ADAM11: variants seen among roughly 807,000 people sequenced by gnomAD.
ADAM11 encodes disintegrin and metalloproteinase domain-containing protein 11.
Under a neutral mutation model 119.1 loss-of-function variants are expected in ADAM11, and 49 were observed. The observed-to-expected ratio is 0.41, with a 90% confidence interval of 0.33 to 0.52. ADAM11 has a LOEUF of 0.52. Among genes scored for constraint, ADAM11 ranks in the 20% least tolerant of loss-of-function variants. ADAM11 has a pLI of 0.20. For missense variants in ADAM11, 777 were observed against 1,047.5 expected, an observed-to-expected ratio of 0.74 and a Z score of 3.56; for synonymous variants, 364 against 408.0, an observed-to-expected ratio of 0.89 and a Z score of 1.30.
chr17:44,778,558 GGT>G (rs1211309584), intron 25 of ADAM11, among the ~76,000 whole-genome samples: 1 of 151,890 alleles, frequency 6.6e-6, no homozygotes, highest in East Asian at 1.9e-4. Context: ...CAGCCATGGT[GGT>G]GCGCACCTGT....
At position 44,772,981 on chromosome 17, in the gene ADAM11, G is replaced by A. The variant is rs751032823; in HGVS notation, c.754-33G>A. 5.6e-6 allele frequency: 9 copies of A among 1,613,922 alleles called. No homozygotes were observed. The highest frequency in any genetic ancestry group is 1.6e-4 in the Middle Eastern group (1 of 6,084). ...CGTGACACTGGGAGGCCCCTGAGGA[G>A]CCTGGCCCTCCTCCCATTCTTCTCT... On this transcript the variant is annotated intron_variant, in intron 9 of 26. Coordinates refer to ENST00000200557, the MANE Select transcript of ADAM11 (RefSeq NM_002390.6). The surrounding 1 kb of genome is among the most constrained non-coding windows in gnomAD (Gnocchi z 4.5).
chr17:44,764,131 G>A (rs2049420638), intron 2 of ADAM11, among the ~76,000 whole-genome samples: 1 of 152,182 alleles, frequency 6.6e-6, no homozygotes, highest in Non-Finnish European at 1.5e-5. Context: ...GGTGACTAGG[G>A]TCAGGGGTGA....
At chr17:44,769,664 T>C in intron 2 of ADAM11, 54 bp from the exon 3 acceptor site, 1 of 1,269,230 alleles carries the variant, frequency 7.9e-7, no homozygotes. Context: ...TCCCCCCGAC[T>C]CCCACCTTCA....
intron 1 of ADAM11, 67 bp from the exon 2 acceptor site, chr17:44,759,655 C>A: frequency 7.6e-7 from 1 of 1,309,304 alleles, no homozygotes; most frequent in South Asian, 3.2e-5. Flanking sequence ...GAGGCATGCC[C>A]ACCCCATTCC....
intron 2 of ADAM11, 121 bp from the exon 3 acceptor site, chr17:44,769,597 T>C: frequency 1.4e-6 from 1 of 692,322 alleles, no homozygotes. Context: ...AAATCAATGG[T>C]CCCCTCAGCT....
chr17:44,778,102 C>T (rs764963921), intron 24 of ADAM11, 36 bp downstream of exon 24: 3 of 1,611,314 alleles, frequency 1.9e-6, no homozygotes, highest in South Asian at 2.2e-5. Flanking sequence ...GTCTGTCTGT[C>T]CTGCTCTCTA....
chr17:44,770,166 C>T (rs896389870), intron 4 of ADAM11, 118 bp downstream of exon 4: 2 of 1,223,120 alleles, frequency 1.6e-6, no homozygotes, highest in South Asian at 1.4e-5. Context: ...GGGCCTGGCC[C>T]CTCAGCACCT....
chr17:44,780,476 C>T lies in ADAM11; in HGVS notation c.*722C>T, dbSNP rs1365520893. On this transcript the variant is annotated 3_prime_UTR_variant, in exon 27 of 27. Coordinates refer to ENST00000200557, the MANE Select transcript of ADAM11 (RefSeq NM_002390.6). ...CCCAAGGCCTAGGTTATGGGTACGG[C>T]AACCACATGTCCCAGATCGTCTCCA... 3 of 279,972 alleles carry T rather than the reference C, an allele frequency of 1.1e-5. No homozygotes were observed. Among genetic ancestry groups the T allele is most frequent in the Middle Eastern group, 1.3e-3 (1 of 796 alleles). 17.3% of individuals were successfully genotyped at this position (279,972 alleles called of 1,614,324 possible).
At position 44,776,104 on chromosome 17, in the gene ADAM11, C is replaced by G. The variant is rs1367083104; in HGVS notation, c.1486-23C>G. ...GCCGAGGCATCCATCCTGCCTGACT[C>G]GAGGAGCGCGTCTCTTCCCTAGTAC... On this transcript the variant is annotated intron_variant, in intron 17 of 26. Transcript: ENST00000200557. The surrounding 1 kb of genome is among the most constrained non-coding windows in gnomAD (Gnocchi z 5.2). 6.2e-6 allele frequency: 10 copies of G among 1,612,746 alleles called. No individual in the cohort carries two copies. The highest frequency in any genetic ancestry group is 2.2e-5 in the East Asian group (1 of 44,874).
chr17:44,777,634 G>A lies in ADAM11; in HGVS notation c.1901+33G>A, dbSNP rs761174346. On this transcript the variant is annotated intron_variant, in intron 22 of 26. Transcript: ENST00000200557. The surrounding 1 kb of genome is among the most constrained non-coding windows in gnomAD (Gnocchi z 5.1). The stretch of plus-strand genomic sequence containing the variant: ...CCAGGACCAAGACTAGGGAGGGGAG[G>A]TTGCAGCTGTGCTGGGGGTTAGGAG... The A allele has an allele frequency of 1.9e-6, 3 of 1,613,932 alleles. No individual in the cohort carries two copies. In the South Asian group the frequency reaches 3.3e-5, roughly 18 times the overall value.
chr17:44,770,094 G>A (rs1212949191), intron 4 of ADAM11, 46 bp downstream of exon 4: 1 of 1,603,556 alleles, frequency 6.2e-7, no homozygotes, highest in Admixed American at 1.7e-5. Flanking sequence ...GAAGGGAGGT[G>A]CTGTTTCTGT....
Position 44,780,570 on chromosome 17 carries a change from G to C in ADAM11, c.*816G>C, listed in dbSNP as rs1367060144. On this transcript the variant is annotated 3_prime_UTR_variant, in exon 27 of 27. Transcript: ENST00000200557. The stretch of plus-strand genomic sequence containing the variant: ...TTTTGGCAGGGCGGGGGGGGTTCTA[G>C]AAAATATAGTTCCTATAATAAAATG... 1.0e-5 allele frequency: 2 copies of C among 191,444 alleles called. No homozygotes were observed. The highest frequency in any genetic ancestry group is 2.1e-5 in the Non-Finnish European group (2 of 94,438). The allele number at this position is 191,444 out of a possible 1,614,324, so 11.9% of individuals were successfully genotyped here.
rs2049550360 is a variant in ADAM11 at position 44,773,150 on chromosome 17, G to C, written c.825+65G>C. On this transcript the variant is annotated intron_variant, in intron 10 of 26. Coordinates refer to ENST00000200557, the MANE Select transcript of ADAM11 (RefSeq NM_002390.6). The surrounding 1 kb of genome is among the most constrained non-coding windows in gnomAD (Gnocchi z 4.6). ...CCCCCCACCCCACCACACACATTAG[G>C]GGGCACTGTCAGCCCCTGGCTCCCA... The C allele has an allele frequency of 1.9e-6, 3 of 1,595,246 alleles. No homozygotes were observed. Among genetic ancestry groups the C allele is most frequent in the South Asian group, 1.1e-5 (1 of 90,544 alleles).
At position 44,776,221 on chromosome 17, in the gene ADAM11, C is replaced by A. The variant is rs779030108; in HGVS notation, c.1566+14C>A. ...GACTCTAGCCAGGTCCGCCCGGCCC[C>A]GCCGTCTTGTGGAGCCCTGGGCGAG... is the stretch of plus-strand genomic sequence containing the variant. On this transcript the variant is annotated intron_variant, in intron 18 of 26. Transcript: ENST00000200557. The surrounding 1 kb of genome is among the most constrained non-coding windows in gnomAD (Gnocchi z 5.2). The A allele has an allele frequency of 5.0e-6, 8 of 1,612,770 alleles. No individual in the cohort carries two copies. Among genetic ancestry groups the A allele is most frequent in the Non-Finnish European group, 8.5e-7 (1 of 1,179,684 alleles).
chr17:44,773,367 G>A lies in ADAM11; in HGVS notation c.932G>A (p.Arg311Gln), dbSNP rs763270799. The A allele has an allele frequency of 4.3e-5, 70 of 1,613,868 alleles. No homozygotes were observed. Among genetic ancestry groups the A allele is most frequent in the East Asian group, 1.8e-4 (8 of 44,892 alleles). The change falls in exon 11 of 27, where the codon CGG becomes CAG. Residue 311 changes from arginine to glutamine, a missense_variant. This residue lies in a region of ADAM11 where 147 missense variants were observed against 223.3 expected (regional missense o/e 0.66). Transcript: ENST00000200557. The surrounding 1 kb of genome is among the most constrained non-coding windows in gnomAD (Gnocchi z 4.6). The stretch of plus-strand genomic sequence containing the variant: ...GATGACCTCCTGGAGACCCTGGCCC[G>A]GCTCATGGTCTACCGACGGGAGGGT... ...VQDDLLETLA[R>Q]LMVYRREGLP...
chr17:44,776,876 C>G lies in ADAM11; in HGVS notation c.1618-23C>G. 6.2e-7 allele frequency: 1 copy of G among 1,613,508 alleles called. No homozygotes were observed. Among genetic ancestry groups the G allele is most frequent in the Non-Finnish European group, 8.5e-7 (1 of 1,179,504 alleles). Reference sequence around the variant, plus strand: ...GACCACTCAGCATCTCCATCCCTTGCCTCTTAATTCTTGGACTCTCAGGGC... The same window carrying G: ...GACCACTCAGCATCTCCATCCCTTGGCTCTTAATTCTTGGACTCTCAGGGC... On this transcript the variant is annotated intron_variant, in intron 19 of 26. Coordinates refer to ENST00000200557, the MANE Select transcript of ADAM11 (RefSeq NM_002390.6). This position sits in a 1 kb window ranked among gnomAD's most constrained non-coding sequence, Gnocchi z 5.2.
intron 25 of ADAM11, among the ~76,000 whole-genome samples, chr17:44,778,947 T>C (rs1310771146): frequency 6.6e-6 from 1 of 152,114 alleles, no homozygotes. Flanking sequence ...TTTGGGGTCC[T>C]TGTGCTGGTC....
At position 44,759,836 on chromosome 17, in the gene ADAM11, G is replaced by A. The variant is rs1341173829; in HGVS notation, c.176G>A (p.Gly59Glu). The A allele has an allele frequency of 1.5e-6, 2 of 1,314,990 alleles. No individual in the cohort carries two copies. Among genetic ancestry groups the A allele is most frequent in the Admixed American group, 3.1e-5 (1 of 32,748 alleles). 81.5% of individuals were successfully genotyped at this position (1,314,990 alleles called of 1,614,324 possible). The change falls in exon 2 of 27, where the codon GGG becomes GAG. Residue 59 changes from glycine to glutamate, a missense_variant. Coordinates refer to ENST00000200557, the MANE Select transcript of ADAM11 (RefSeq NM_002390.6). The part of the protein sequence containing the change: ...EPSRLVRESS[G>E]GEVRKQQLDT... ...AGCCGTCTGGTTAGGGAGAGCTCCG[G>A]GGGAGAGGTCCGAAAGCAGCAGCTG...
At position 44,774,565 on chromosome 17, in the gene ADAM11, A is replaced by G; in HGVS notation, c.1151A>G (p.Lys384Arg). ...LGQNLGMMWN[K>R]HRSSAGDCKC... is the part of the protein sequence containing the mutation. The stretch of plus-strand genomic sequence containing the variant: ...CAGAACCTGGGCATGATGTGGAACA[A>G]ACACCGGAGCTCGGCAGGTATCCTC... The change falls in exon 13 of 27, where the codon AAA (lysine) becomes AGA (arginine). Residue 384 changes from lysine (K) to arginine (R), a missense_variant. By Grantham distance (26) the Lys-to-Arg change is conservative. This residue lies in a region of ADAM11 where 147 missense variants were observed against 223.3 expected (regional missense o/e 0.66). Transcript: ENST00000200557. The G allele has an allele frequency of 8.1e-6, 13 of 1,613,398 alleles. No homozygotes were observed. The highest frequency in any genetic ancestry group is 1.1e-5 in the Non-Finnish European group (13 of 1,179,798).
Sources: allele counts gnomAD v4.1 joint callset (sites outside exome capture counted in the v4.1 genomes callset), GRCh38; gene constraint gnomAD v4.1.1; regional missense constraint gnomAD v4.1.1; non-coding constraint Gnocchi (gnomAD v3.1); transcripts MANE v1.5; gene names NCBI Gene and HGNC (gene_info 2026-07-23, HGNC 2026-07-21).